Variants in DOCK9 observed in about 807,000 individuals in gnomAD.
DOCK9 encodes the protein dedicator of cytokinesis protein 9.
DOCK9 carries 89 observed loss-of-function variants against 263.3 expected under a neutral mutation model. The ratio of observed to expected loss-of-function variants is 0.34; its 90% CI spans 0.28 to 0.40. The LOEUF (loss-of-function observed/expected upper bound fraction) is 0.40. Among genes scored for constraint, DOCK9 ranks in the 10% least tolerant of loss-of-function variants. The pLI is 1.00. For missense variants in DOCK9, 2,140 were observed against 2,603.4 expected (o/e 0.82, Z 3.87); for synonymous variants, 976 against 973.1 (o/e 1.00, Z -0.06).
intron 9 of DOCK9, among the ~76,000 whole-genome samples, chr13:98,905,632 C>G (rs4772155): frequency 0.57 from 86,624 of 151,928 alleles, 24,972 homozygotes; most frequent in Middle Eastern, 0.61. Context: ...GATTTGAATG[C>G]CAAGGATTGG....
chr13:98,815,503 C>T (rs1301006582), intron 45 of DOCK9, among the ~76,000 whole-genome samples: 10 of 151,848 alleles, frequency 6.6e-5, no homozygotes, highest in Non-Finnish European at 1.0e-4. Flanking sequence ...TTTTTTGAGA[C>T]GGAGTCTCAC....
At chr13:98,855,168 A>T (rs199818186) in intron 34 of DOCK9, among the ~76,000 whole-genome samples, 1 of 152,202 alleles carries the variant, frequency 6.6e-6, no homozygotes, top group South Asian at 2.1e-4. Flanking sequence ...GAATAAAGTG[A>T]TTTCTTACCC....
intron 2 of DOCK9, among the ~76,000 whole-genome samples, chr13:98,934,270 A>C (rs2054457701): frequency 6.6e-6 from 1 of 152,128 alleles, no homozygotes; most frequent in Non-Finnish European, 1.5e-5. Context: ...GTCACCATAT[A>C]AGTTCTACCA....
chr13:99,063,706 T>C (rs1431185829), intron 1 of DOCK9, among the ~76,000 whole-genome samples: 6 of 152,126 alleles, frequency 3.9e-5, no homozygotes, highest in African/African-American at 1.2e-4. Flanking sequence ...CAATTACTAA[T>C]AAATGAAATA....
rs372663801 is a variant in DOCK9, at chr13:98,899,807, G to C, written c.1504-1546C>G. Among the ~76,000 whole-genome samples the C allele has an allele frequency of 2.4e-4, 36 of 152,254 alleles. No homozygotes were observed. In the East Asian group the frequency reaches 6.2e-3, roughly 26 times the overall value. ...GACTTAGCTCTCGGACATATGAAGG[G>C]AGCAAATAGAACACAGTATGTGTGA... On this transcript the variant is annotated intron_variant, in intron 13 of 52. Coordinates refer to ENST00000682017, the MANE Select transcript of DOCK9 (RefSeq NM_001366683.2).
chr13:98,853,135 T>C (rs1294116393), intron 35 of DOCK9, among the ~76,000 whole-genome samples: 1 of 152,238 alleles, frequency 6.6e-6, no homozygotes, highest in Non-Finnish European at 1.5e-5. Context: ...GGTCCCAGTT[T>C]AATATAAATT....
chr13:98,826,971 G>A, intron 43 of DOCK9, 84 bp from the exon 44 acceptor site: 1 of 1,001,982 alleles, frequency 1.0e-6, no homozygotes, highest in Non-Finnish European at 1.5e-6. Flanking sequence ...TCTAATCAAT[G>A]TATGAACGTA....
At chr13:98,867,867 T>A (rs2094077188) in intron 29 of DOCK9, 61 bp downstream of exon 29, 2 of 1,415,360 alleles carry the variant, frequency 1.4e-6, no homozygotes, top group African/African-American at 1.5e-5. Context: ...AGGAAAAAGA[T>A]AATTCTACCA....
intron 49 of DOCK9, among the ~76,000 whole-genome samples, chr13:98,804,203 C>T (rs529177393): frequency 6.6e-6 from 1 of 152,290 alleles, no homozygotes; most frequent in Non-Finnish European, 1.5e-5. Context: ...AGCTGGCACA[C>T]CTGGCATTCT....
intron 45 of DOCK9, among the ~76,000 whole-genome samples, chr13:98,814,031 T>C (rs1207686314): frequency 2.0e-5 from 3 of 152,246 alleles, no homozygotes; most frequent in African/African-American, 4.8e-5. Context: ...GCAAGGCCTG[T>C]GTTTTTCATT....
intron 3 of DOCK9, among the ~76,000 whole-genome samples, chr13:98,926,422 G>A (rs766068861): frequency 2.6e-5 from 4 of 152,174 alleles, no homozygotes; most frequent in Non-Finnish European, 2.9e-5. Context: ...TAATTAGGAA[G>A]AAACATATGC....
intron 37 of DOCK9, chr13:98,846,694 G>T: frequency 2.0e-6 from 1 of 510,000 alleles, no homozygotes; most frequent in Non-Finnish European, 3.6e-6. Context: ...CTGTCCCGGA[G>T]CCAACCGTCC....
chr13:98,946,144 G>A (rs896646250), intron 2 of DOCK9, among the ~76,000 whole-genome samples: 3 of 152,148 alleles, frequency 2.0e-5, no homozygotes, highest in Non-Finnish European at 2.9e-5. Flanking sequence ...CAAGATCACA[G>A]GGACCCTTGG....
At chr13:99,011,755 A>G (rs1884528263) in intron 1 of DOCK9, among the ~76,000 whole-genome samples, 2 of 152,238 alleles carry the variant, frequency 1.3e-5, no homozygotes, top group Non-Finnish European at 1.5e-5. Flanking sequence ...AAGTCACACA[A>G]CTATTAAGTT....
intron 3 of DOCK9, among the ~76,000 whole-genome samples, chr13:98,927,440 T>C (rs937449310): frequency 6.6e-6 from 1 of 152,132 alleles, no homozygotes; most frequent in Non-Finnish European, 1.5e-5. Context: ...TCCTATTCTC[T>C]TCAAAGAGCT....
intron 2 of DOCK9, among the ~76,000 whole-genome samples, chr13:98,944,710 C>T (rs775532034): frequency 1.3e-5 from 2 of 152,186 alleles, no homozygotes; most frequent in Admixed American, 6.5e-5. Context: ...CTGGGAACAG[C>T]GAGGAAGGCG....
At chr13:99,068,544 G>A (rs1368602753) in intron 1 of DOCK9, among the ~76,000 whole-genome samples, 1 of 152,104 alleles carries the variant, frequency 6.6e-6, no homozygotes, top group Non-Finnish European at 1.5e-5. Flanking sequence ...ATCGCGCCCT[G>A]CACTCCAGCC....
At chr13:98,837,471 A>C in intron 39 of DOCK9, 23 bp downstream of exon 39, 1 of 1,551,530 alleles carries the variant, frequency 6.4e-7, no homozygotes, top group Non-Finnish European at 8.9e-7. Flanking sequence ...AACTAGAACC[A>C]CGAACAGCAA....
intron 1 of DOCK9, among the ~76,000 whole-genome samples, chr13:99,020,039 T>A (rs894289369): frequency 6.6e-6 from 1 of 151,904 alleles, no homozygotes; most frequent in Non-Finnish European, 1.5e-5. Context: ...GAGGTGGAGG[T>A]TGCAGTGAGC....
Sources: allele counts gnomAD v4.1 joint callset (sites outside exome capture counted in the v4.1 genomes callset), GRCh38; gene constraint gnomAD v4.1.1; transcripts MANE v1.5; gene names NCBI Gene and HGNC (gene_info 2026-07-23, HGNC 2026-07-21).